PPP2CA: variants seen among roughly 807,000 people sequenced by gnomAD.
PPP2CA encodes the protein protein phosphatase 2 catalytic subunit alpha.
PPP2CA carries 5 observed loss-of-function variants against 38.8 expected under a neutral mutation model. That is an observed-to-expected ratio of 0.13 (90% CI 0.07 to 0.27). The LOEUF is 0.27. Ranked by LOEUF, PPP2CA falls within the 10% of genes least tolerant of loss-of-function variation. PPP2CA has a pLI of 1.00. For missense variants in PPP2CA, 88 were observed against 389.7 expected (o/e 0.23, Z 6.52); for synonymous variants, 152 against 134.0 (o/e 1.13, Z -0.93).
intron 2 of PPP2CA, chr5:134,202,318 A>G (rs1761984823): frequency 3.8e-6 from 1 of 260,588 alleles, no homozygotes; most frequent in Non-Finnish European, 7.2e-6. Flanking sequence ...TTTTTCACAA[A>G]TTTATAGTTA....
chr5:134,201,260 A>T (rs572690862), intron 3 of PPP2CA, among the ~76,000 whole-genome samples, 186 bp from the exon 4 acceptor site: 1 of 152,320 alleles, frequency 6.6e-6, no homozygotes, highest in East Asian at 1.9e-4. Context: ...CAAAAATTTT[A>T]AAAAATGAGC....
intron 1 of PPP2CA, among the ~76,000 whole-genome samples, chr5:134,213,740 G>A (rs963918718): frequency 1.5e-4 from 22 of 150,224 alleles, no homozygotes; most frequent in African/African-American, 5.2e-4. Flanking sequence ...CTATGATGAT[G>A]TCACTGTACT....
Position 134,200,206 on chromosome 5 carries a change from TATA to T in PPP2CA, c.738+126_738+128del, listed in dbSNP as rs1761943556. ...GTGCATCTACTGAAAAGGCTCAGGC[TATA>T]ATGATAAACTCATCAGAAGGAATAG... On this transcript the variant is annotated intron_variant, in intron 5 of 6. Coordinates refer to ENST00000481195, the MANE Select transcript of PPP2CA (RefSeq NM_002715.4). 3 of 1,037,164 alleles carry T rather than the reference TATA, an allele frequency of 2.9e-6. No individual in the cohort carries two copies. The African/African-American group carries it at 4.9e-5, about 17-fold the overall frequency. The allele number at this position is 1,037,164 out of a possible 1,614,324, so 64.2% of individuals were successfully genotyped here.
intron 1 of PPP2CA, among the ~76,000 whole-genome samples, chr5:134,206,616 G>A (rs1762090132): frequency 6.6e-6 from 1 of 152,038 alleles, no homozygotes. Flanking sequence ...TCCCACCTCA[G>A]TAGTGGGGAC....
Position 134,208,328 on chromosome 5 carries a change from T to C in PPP2CA, c.103-2197A>G, listed in dbSNP as rs148421895. Reference sequence around the variant, plus strand: ...TGACTCAAATTTTCTATTCAAATCATGAAGGAAAATTAAGTCTAAATGCTA... The same window carrying C: ...TGACTCAAATTTTCTATTCAAATCACGAAGGAAAATTAAGTCTAAATGCTA... On this transcript the variant is annotated intron_variant, in intron 1 of 6. Coordinates refer to ENST00000481195, the MANE Select transcript of PPP2CA (RefSeq NM_002715.4). Among the ~76,000 whole-genome samples the C allele has an allele frequency of 6.8e-4, 103 of 152,338 alleles. 1 individual carries two copies. Among genetic ancestry groups the C allele is most frequent in the Middle Eastern group, 3.4e-3 (1 of 294 alleles).
intron 1 of PPP2CA, among the ~76,000 whole-genome samples, chr5:134,218,676 T>TC (rs900563342): frequency 6.6e-6 from 1 of 151,192 alleles, no homozygotes; most frequent in African/African-American, 2.4e-5. Flanking sequence ...TTTCTTTTTT[T>TC]TTTTTTTCTT....
At chr5:134,199,390 T>C (rs1473957453) in intron 5 of PPP2CA, 186 bp from the exon 6 acceptor site, 1 of 407,994 alleles carries the variant, frequency 2.5e-6, no homozygotes, top group Non-Finnish European at 4.3e-6. Context: ...AAGGTACACA[T>C]GTATTTATTT....
At chr5:134,223,332 T>C (rs1762487491) in intron 1 of PPP2CA, among the ~76,000 whole-genome samples, 1 of 152,232 alleles carries the variant, frequency 6.6e-6, no homozygotes, top group Admixed American at 6.5e-5. Context: ...AGCTTTTGTT[T>C]TACTAGAAAG....
chr5:134,199,308 A>G (rs566539354), intron 5 of PPP2CA, 104 bp from the exon 6 acceptor site: 28 of 801,060 alleles, frequency 3.5e-5, no homozygotes, highest in Non-Finnish European at 5.4e-5. Context: ...CACCCCTGCC[A>G]AAGGGGCTTA....
chr5:134,205,684 A>G (rs914535365), intron 2 of PPP2CA: 1 of 432,822 alleles, frequency 2.3e-6, no homozygotes, highest in Admixed American at 3.5e-5. Context: ...CGCCCAGCCT[A>G]TTTTTTCAAA....
Position 134,225,752 on chromosome 5 carries a change from C to T in PPP2CA, c.102+8G>A. 1 of 1,604,502 alleles carries T rather than the reference C, an allele frequency of 6.2e-7. No homozygotes were observed. Among genetic ancestry groups the T allele is most frequent in the Non-Finnish European group, 8.5e-7 (1 of 1,177,942 alleles). On this transcript the variant is annotated splice_region_variant and intron_variant, in intron 1 of 6. Transcript: ENST00000481195. ...GCGGCGGCTGTCCGCAGCCGTACTA[C>T]AGCTCACCTTCTCGCAGAGGCTCTT...
At chr5:134,225,602 G>A (rs1321697585) in intron 1 of PPP2CA, 158 bp downstream of exon 1, 1 of 566,246 alleles carries the variant, frequency 1.8e-6, no homozygotes, top group Admixed American at 4.0e-5. Context: ...GGGGCGCCGG[G>A]TCGTTAGGAA....
At chr5:134,207,622 C>T (rs1173582053) in intron 1 of PPP2CA, among the ~76,000 whole-genome samples, 1 of 152,162 alleles carries the variant, frequency 6.6e-6, no homozygotes. Flanking sequence ...GGCATGATCT[C>T]GGCTCACTAT....
At position 134,195,972 on chromosome 5, in the gene PPP2CA, T is replaced by G. The variant is rs1761840717; in HGVS notation, c.*1800A>C. On this transcript the variant is annotated 3_prime_UTR_variant, in exon 7 of 7. Coordinates refer to ENST00000481195, the MANE Select transcript of PPP2CA (RefSeq NM_002715.4). ...CTGCTTGGTGTCTAGATTGTTTGGG[T>G]ATTAAAACCACTGCACATGGATAAG... The G allele has an allele frequency of 6.6e-6, 1 of 152,172 alleles. No individual in the cohort carries two copies. Among genetic ancestry groups the G allele is most frequent in the African/African-American group, 2.4e-5 (1 of 41,432 alleles). 9.4% of individuals were successfully genotyped at this position (152,172 alleles called of 1,614,324 possible). A position where few individuals can be genotyped will look rare whatever the true frequency, so the allele number is the denominator to read the frequency against.
chr5:134,209,021 TGA>T (rs1036998977), intron 1 of PPP2CA, among the ~76,000 whole-genome samples: 66 of 152,188 alleles, frequency 4.3e-4, no homozygotes, highest in African/African-American at 1.5e-3. Context: ...GCACATTTCC[TGA>T]GAGAAGATAC....
chr5:134,202,192 T>C (rs1251271716), intron 2 of PPP2CA, 171 bp from the exon 3 acceptor site: 1 of 588,116 alleles, frequency 1.7e-6, no homozygotes, highest in East Asian at 3.3e-5. Flanking sequence ...TAAATGCCCA[T>C]GGGGTGTTTG....
chr5:134,196,261 G>C lies in PPP2CA; in HGVS notation c.*1511C>G, dbSNP rs577372732. The C allele has an allele frequency of 2.0e-5, 3 of 152,294 alleles. No individual in the cohort carries two copies. The highest frequency in any genetic ancestry group is 7.2e-5 in the African/African-American group (3 of 41,570). The allele number at this position is 152,294 out of a possible 1,614,324, so 9.4% of individuals were successfully genotyped here. On this transcript the variant is annotated 3_prime_UTR_variant, in exon 7 of 7. Transcript: ENST00000481195. ...CCCTGTTGGTTCCAGATTCAACACA[G>C]CACAAAGCAAGAAAACTTTTATTTA...
chr5:134,223,907 C>T (rs1762500569), intron 1 of PPP2CA, among the ~76,000 whole-genome samples: 1 of 152,172 alleles, frequency 6.6e-6, no homozygotes, highest in Non-Finnish European at 1.5e-5. Flanking sequence ...TAATTTAAAA[C>T]GGAATTGACT....
intron 6 of PPP2CA, among the ~76,000 whole-genome samples, chr5:134,198,644 C>T (rs1007439615): frequency 2.0e-5 from 3 of 152,192 alleles, no homozygotes; most frequent in Admixed American, 6.5e-5. Context: ...TGGCTCACTG[C>T]AACCTCTGCC....
Sources: gnomAD v4.1 joint callset for allele counts (sites outside exome capture counted in the v4.1 genomes callset) on GRCh38, gnomAD v4.1.1 for gene constraint, MANE v1.5 for transcripts, NCBI Gene and HGNC (gene_info 2026-07-23, HGNC 2026-07-21) for gene names.